DTNA: variants seen among roughly 807,000 people sequenced by gnomAD.
The protein encoded by DTNA is dystrobrevin alpha, also known as dystrophin-related protein 3.
A neutral mutation model predicts 100.7 loss-of-function variants in DTNA; 43 were observed. The ratio of observed to expected loss-of-function variants is 0.43; its 90% CI spans 0.33 to 0.55. The LOEUF is 0.55. DTNA is among the 20% of genes least tolerant of loss of function. The pLI, the probability that DTNA is intolerant of heterozygous loss-of-function variation, is 0.04. For missense variants in DTNA, 798 were observed against 953.9 expected, an observed-to-expected ratio of 0.84 and a Z score of 2.15; for synonymous variants, 349 against 347.9, an observed-to-expected ratio of 1.00 and a Z score of -0.04.
chr18:34,661,752 GA>G (rs1307551426), intron 1 of DTNA, among the ~76,000 whole-genome samples: 1 of 152,144 alleles, frequency 6.6e-6, no homozygotes, highest in Non-Finnish European at 1.5e-5. Context: ...AGAGGTGACA[GA>G]GTTAAGTGCA....
chr18:34,730,237 G>A (rs2087767368), intron 1 of DTNA, among the ~76,000 whole-genome samples: 2 of 152,348 alleles, frequency 1.3e-5, no homozygotes, highest in Middle Eastern at 3.4e-3. Flanking sequence ...TGCTGGGTGA[G>A]GAATTTGTAG....
chr18:34,762,402 G>A (rs2093234235), intron 2 of DTNA, among the ~76,000 whole-genome samples: 1 of 152,260 alleles, frequency 6.6e-6, no homozygotes, highest in South Asian at 2.1e-4. Flanking sequence ...CTTGGAGGAA[G>A]GCGTCTAGTA....
intron 1 of DTNA, among the ~76,000 whole-genome samples, chr18:34,524,246 G>T (rs1011867944): frequency 1.3e-5 from 2 of 152,044 alleles, no homozygotes; most frequent in South Asian, 4.1e-4. Context: ...GCTGTGCTCT[G>T]TGCACCTCTG....
At chr18:34,557,654 G>A (rs1454270859) in intron 1 of DTNA, among the ~76,000 whole-genome samples, 9 of 147,910 alleles carry the variant, frequency 6.1e-5, no homozygotes, top group Non-Finnish European at 3.0e-5. Context: ...GCCCCTGCTG[G>A]GGGGGTGCCT....
chr18:34,603,561 A>G (rs2052401770), intron 1 of DTNA, among the ~76,000 whole-genome samples: 1 of 152,116 alleles, frequency 6.6e-6, no homozygotes, highest in African/African-American at 2.4e-5. Flanking sequence ...TTGATTTTCA[A>G]CACCAACAGA....
At chr18:34,844,834 T>C (rs774430280) in intron 13 of DTNA, among the ~76,000 whole-genome samples, 6 of 152,146 alleles carry the variant, frequency 3.9e-5, no homozygotes, top group Non-Finnish European at 8.8e-5. Flanking sequence ...CTTTGCTAAA[T>C]CACACTTTCA....
chr18:34,579,918 C>T (rs1241998781), intron 1 of DTNA, among the ~76,000 whole-genome samples: 1 of 152,046 alleles, frequency 6.6e-6, no homozygotes, highest in Non-Finnish European at 1.5e-5. Context: ...TGATTTTCTC[C>T]CCGCTACTTT....
chr18:34,870,156 G>A lies in DTNA; in HGVS notation c.1744-5083G>A, dbSNP rs796368121. 4.6e-5 allele frequency among the ~76,000 whole-genome samples: 7 copies of A among 152,286 alleles called. 1 individual carries two copies. The highest frequency in any genetic ancestry group is 1.7e-4 in the African/African-American group (7 of 41,562). On this transcript the variant is annotated intron_variant, in intron 17 of 22. Transcript: ENST00000444659. ...ATTGTTTCTTATTTGGGAAGATAAT[G>A]TCTATACATTGGTATTATGTTAAGT...
intron 17 of DTNA, chr18:34,866,750 TG>T: frequency 3.0e-6 from 3 of 989,938 alleles, no homozygotes; most frequent in Non-Finnish European, 3.6e-6. Flanking sequence ...CCCATCTTTT[TG>T]GCTCTTCCCC....
chr18:34,501,669 T>C (rs1005453380), intron 1 of DTNA, among the ~76,000 whole-genome samples: 2 of 152,204 alleles, frequency 1.3e-5, no homozygotes, highest in African/African-American at 4.8e-5. Flanking sequence ...GTGCTAGGGC[T>C]GACATAAAAT....
intron 1 of DTNA, among the ~76,000 whole-genome samples, chr18:34,613,321 T>G (rs1257294482): frequency 6.6e-6 from 1 of 152,194 alleles, no homozygotes; most frequent in African/African-American, 2.4e-5. Flanking sequence ...AATGTTGAAA[T>G]TAGGCCAAGT....
intron 1 of DTNA, among the ~76,000 whole-genome samples, chr18:34,581,690 G>A (rs113833211): frequency 6.9e-6 from 1 of 145,370 alleles, no homozygotes; most frequent in Non-Finnish European, 1.5e-5. Flanking sequence ...GCATGATCTC[G>A]GCTCACTGCA....
rs1195992978 is a variant in DTNA, at chr18:34,694,382, A to C, written c.-1-61594A>C. 2.0e-5 allele frequency among the ~76,000 whole-genome samples: 3 copies of C among 152,244 alleles called. No individual in the cohort carries two copies. The East Asian group carries it at 5.8e-4, about 29-fold the overall frequency. On this transcript the variant is annotated intron_variant, in intron 1 of 19. Coordinates refer to the DTNA transcript ENST00000283365. ...TAATGTTAGTGCATTCTTAGTAATGACAATTTACTGTTTGAGCTTGTATTT... is the reference window on the plus strand; with the variant it reads ...TAATGTTAGTGCATTCTTAGTAATGCCAATTTACTGTTTGAGCTTGTATTT...
At chr18:34,569,201 G>A (rs144882599) in intron 1 of DTNA, among the ~76,000 whole-genome samples, 2 of 152,258 alleles carry the variant, frequency 1.3e-5, no homozygotes, top group Admixed American at 6.5e-5. Flanking sequence ...GTGTAGAAAT[G>A]TGTGTACAGG....
intron 1 of DTNA, among the ~76,000 whole-genome samples, chr18:34,731,464 C>T (rs544534035): frequency 4.4e-4 from 66 of 149,954 alleles, no homozygotes; most frequent in Admixed American, 7.3e-4. Context: ...CCAGCCTGGG[C>T]GACAGAGCGA....
chr18:34,850,801 A>AT, intron 14 of DTNA, among the ~76,000 whole-genome samples: 1 of 152,226 alleles, frequency 6.6e-6, no homozygotes, highest in East Asian at 1.9e-4. Flanking sequence ...ATCCTTGACT[A>AT]AATATACATA....
chr18:34,559,344 TGGG>T (rs905216130), intron 1 of DTNA, among the ~76,000 whole-genome samples: 1 of 152,098 alleles, frequency 6.6e-6, no homozygotes, highest in Non-Finnish European at 1.5e-5. Context: ...TGTGGATAAG[TGGG>T]GGGAAAAATG....
intron 1 of DTNA, among the ~76,000 whole-genome samples, chr18:34,572,579 C>T (rs1420527179): frequency 2.0e-5 from 3 of 152,104 alleles, no homozygotes; most frequent in Admixed American, 6.6e-5. Flanking sequence ...TCTAGCACCC[C>T]GTACTCTTAG....
At chr18:34,816,442 T>C (rs901323412) in intron 7 of DTNA, among the ~76,000 whole-genome samples, 1 of 152,248 alleles carries the variant, frequency 6.6e-6, no homozygotes, top group African/African-American at 2.4e-5. Flanking sequence ...TGTTAATCTT[T>C]AGTCATATGT....
Sources: allele counts gnomAD v4.1 joint callset (sites outside exome capture counted in the v4.1 genomes callset), GRCh38; gene constraint gnomAD v4.1.1; transcripts MANE v1.5; gene names NCBI Gene and HGNC (gene_info 2026-07-23, HGNC 2026-07-21).